Variants in PTPRD observed in about 807,000 individuals in gnomAD.
The protein encoded by PTPRD is receptor-type tyrosine-protein phosphatase delta.
Under a neutral mutation model 214.5 loss-of-function variants are expected in PTPRD, and 34 were observed. The ratio of observed to expected loss-of-function variants is 0.16; its 90% confidence interval spans 0.12 to 0.21. PTPRD has a LOEUF of 0.21. Among genes scored for constraint, PTPRD ranks in the 10% least tolerant of loss-of-function variants. PTPRD has a pLI of 1.00. For synonymous variants in PTPRD, 1,128 were observed against 845.7 expected (o/e 1.33, Z -5.79); for missense variants, 2,545 against 2,398.7 (o/e 1.06, Z -1.27).
rs1322856192 is a variant in PTPRD at position 9,296,475 on chromosome 9, C to T, written c.-203+100974G>A. On this transcript the variant is annotated intron_variant, in intron 9 of 45. Coordinates refer to ENST00000381196, the MANE Select transcript of PTPRD (RefSeq NM_002839.4). Reference sequence around the variant, plus strand: ...GTTCAAATATATGCAAGTAGCAATGCATTATTTTAATTTAGAAATTTGTAT... The same window carrying T: ...GTTCAAATATATGCAAGTAGCAATGTATTATTTTAATTTAGAAATTTGTAT... Among the ~76,000 whole-genome samples, 5 of 151,690 alleles carry T rather than the reference C, an allele frequency of 3.3e-5. No homozygotes were observed. In the South Asian group the frequency reaches 8.3e-4, roughly 25 times the overall value.
chr9:9,214,268 C>T (rs184339523), intron 9 of PTPRD, among the ~76,000 whole-genome samples: 32 of 152,266 alleles, frequency 2.1e-4, no homozygotes, highest in Non-Finnish European at 3.8e-4. Flanking sequence ...GTGTGTTCCC[C>T]GATATGGTCC....
chr9:9,250,216 T>C (rs1276411734), intron 9 of PTPRD, among the ~76,000 whole-genome samples: 3 of 152,074 alleles, frequency 2.0e-5, no homozygotes, highest in Non-Finnish European at 4.4e-5. Flanking sequence ...AGCATGAGCA[T>C]GTGTAGCTTC....
At chr9:9,365,232 G>A (rs2057541806) in intron 9 of PTPRD, among the ~76,000 whole-genome samples, 1 of 151,502 alleles carries the variant, frequency 6.6e-6, no homozygotes, top group African/African-American at 2.4e-5. Context: ...AAGATCATGT[G>A]TCTCTATTAT....
intron 11 of PTPRD, among the ~76,000 whole-genome samples, chr9:8,757,753 G>A (rs185648102): frequency 1.3e-4 from 20 of 151,250 alleles, no homozygotes; most frequent in Non-Finnish European, 1.3e-4. Flanking sequence ...CTGTCATGTG[G>A]ATATTGGTGA....
In PTPRD at chr9:9,931,508, G is replaced by A. The variant is rs545424526; in HGVS notation, c.-368+6999C>T. 6.6e-5 allele frequency among the ~76,000 whole-genome samples: 10 copies of A among 152,302 alleles called. No individual in the cohort carries two copies. The South Asian group carries it at 1.0e-3, about 16-fold the overall frequency. On this transcript the variant is annotated intron_variant, in intron 5 of 45. Coordinates refer to ENST00000381196, the MANE Select transcript of PTPRD (RefSeq NM_002839.4). Reference sequence around the variant, plus strand: ...CGGGTCGCTCCCACCCGAATACTGCGCTTTTCCGACGGGCTTAAAAAACAG... The same window carrying A: ...CGGGTCGCTCCCACCCGAATACTGCACTTTTCCGACGGGCTTAAAAAACAG...
At chr9:8,827,295 CTATT>C (rs1218467686) in intron 11 of PTPRD, among the ~76,000 whole-genome samples, 1 of 128,084 alleles carries the variant, frequency 7.8e-6, no homozygotes, top group Non-Finnish European at 1.6e-5. Flanking sequence ...ACCCATCAAT[CTATT>C]TGTTATTGAA....
chr9:10,202,314 C>T (rs55687430), intron 3 of PTPRD, among the ~76,000 whole-genome samples: 2 of 151,784 alleles, frequency 1.3e-5, no homozygotes, highest in Non-Finnish European at 2.9e-5. Context: ...CCCCCACAAC[C>T]AGGAGTTTCA....
chr9:10,003,808 C>T (rs2096396884), intron 4 of PTPRD, among the ~76,000 whole-genome samples: 1 of 151,536 alleles, frequency 6.6e-6, no homozygotes, highest in African/African-American at 2.4e-5. Context: ...TATTATTTTC[C>T]CCAATTTGAA....
intron 7 of PTPRD, among the ~76,000 whole-genome samples, chr9:9,623,287 G>A (rs1038901016): frequency 1.3e-5 from 2 of 152,226 alleles, no homozygotes; most frequent in Middle Eastern, 3.4e-3. Context: ...TGCACAATGA[G>A]GATGTTTTAG....
At chr9:10,016,382 T>C (rs1296363771) in intron 4 of PTPRD, among the ~76,000 whole-genome samples, 1 of 135,882 alleles carries the variant, frequency 7.4e-6, no homozygotes, top group African/African-American at 2.9e-5. Context: ...GATAGATAGA[T>C]AGATAGATAG....
intron 9 of PTPRD, among the ~76,000 whole-genome samples, chr9:9,325,119 G>A (rs946059496): frequency 3.3e-5 from 5 of 152,132 alleles, no homozygotes; most frequent in African/African-American, 7.2e-5. Context: ...TTGAAGTCAG[G>A]TAGCGTGATG....
intron 2 of PTPRD, among the ~76,000 whole-genome samples, chr9:10,358,245 G>T (rs1176477798): frequency 6.6e-6 from 1 of 151,994 alleles, no homozygotes; most frequent in Non-Finnish European, 1.5e-5. Flanking sequence ...TTCATCAAAA[G>T]ATAATACTTT....
chr9:9,906,666 T>G (rs1418641132), intron 5 of PTPRD, among the ~76,000 whole-genome samples: 2 of 151,990 alleles, frequency 1.3e-5, no homozygotes, highest in East Asian at 3.8e-4. Context: ...TAATCAGCAT[T>G]TCTCAAGGCT....
At chr9:9,319,972 T>C (rs1474032472) in intron 9 of PTPRD, among the ~76,000 whole-genome samples, 1 of 152,166 alleles carries the variant, frequency 6.6e-6, no homozygotes, top group African/African-American at 2.4e-5. Flanking sequence ...ACTTCAATTA[T>C]ATCATTGATT....
At chr9:10,399,344 C>A (rs1029333390) in intron 2 of PTPRD, among the ~76,000 whole-genome samples, 1 of 151,912 alleles carries the variant, frequency 6.6e-6, no homozygotes, top group South Asian at 2.1e-4. Flanking sequence ...AGCATAGACG[C>A]TCTAATTCAC....
intron 14 of PTPRD, among the ~76,000 whole-genome samples, chr9:8,601,102 C>G (rs904238970): frequency 3.3e-5 from 5 of 152,086 alleles, no homozygotes; most frequent in African/African-American, 1.2e-4. Context: ...CTGGCAGGAG[C>G]TTGGCAGTAC....
chr9:10,597,020 T>C lies in PTPRD; in HGVS notation c.-600+15378A>G, dbSNP rs1487130723. The stretch of plus-strand genomic sequence containing the variant: ...CTAAAAACATGTAACTATCTTTGTG[T>C]GATGGTTATTACAGGGTCCTATCTA... On this transcript the variant is annotated intron_variant, in intron 2 of 45. Transcript: ENST00000381196. 2.6e-5 allele frequency among the ~76,000 whole-genome samples: 4 copies of C among 151,486 alleles called. No homozygotes were observed. In the East Asian group the frequency reaches 7.8e-4, roughly 29 times the overall value.
intron 3 of PTPRD, among the ~76,000 whole-genome samples, chr9:10,309,798 A>T (rs959534755): frequency 2.6e-5 from 4 of 152,058 alleles, no homozygotes; most frequent in Non-Finnish European, 4.4e-5. Context: ...TAAACAAAAA[A>T]ATTAGAACTA....
At chr9:8,741,021 T>C (rs938098880) in intron 11 of PTPRD, among the ~76,000 whole-genome samples, 3 of 152,232 alleles carry the variant, frequency 2.0e-5, no homozygotes, top group African/African-American at 4.8e-5. Flanking sequence ...GCTTTTTCTA[T>C]AGTTTATGAT....
Sources: allele counts gnomAD v4.1 joint callset (sites outside exome capture counted in the v4.1 genomes callset), GRCh38; gene constraint gnomAD v4.1.1; transcripts MANE v1.5; gene names NCBI Gene and HGNC (gene_info 2026-07-23, HGNC 2026-07-21).